CADM2: variants seen among roughly 807,000 people sequenced by gnomAD.
The protein encoded by CADM2 is cell adhesion molecule 2, also known as immunoglobulin superfamily member 4D.
Under a neutral mutation model 49.8 loss-of-function variants are expected in CADM2, and 12 were observed. That is an observed-to-expected ratio of 0.24 (90% CI 0.15 to 0.39). The LOEUF (loss-of-function observed/expected upper bound fraction) is 0.39, where lower values mean the gene tolerates loss of function less well. Ranked by LOEUF, CADM2 falls within the 10% of genes least tolerant of loss-of-function variation. The pLI, the probability that CADM2 is intolerant of heterozygous loss-of-function variation, is 1.00. For synonymous variants in CADM2, 214 were observed against 175.4 expected (o/e 1.22, Z -1.74); for missense variants, 378 against 492.3 (o/e 0.77, Z 2.20).
chr3:85,381,632 T>C (rs1288269952), intron 1 of CADM2, among the ~76,000 whole-genome samples: 1 of 151,326 alleles, frequency 6.6e-6, no homozygotes, highest in Non-Finnish European at 1.5e-5. Context: ...TTGCCAAAAG[T>C]TTTCTTGCAG....
chr3:85,592,568 A>G (rs931776088), intron 1 of CADM2, among the ~76,000 whole-genome samples: 2 of 151,984 alleles, frequency 1.3e-5, no homozygotes, highest in African/African-American at 4.8e-5. Flanking sequence ...TGGGTCAACA[A>G]TACCTTTATA....
intron 1 of CADM2, among the ~76,000 whole-genome samples, chr3:85,150,293 T>C (rs1304010364): frequency 2.0e-5 from 3 of 152,154 alleles, no homozygotes; most frequent in African/African-American, 7.2e-5. Context: ...TAAAGGACAG[T>C]CAGAGGAGGA....
chr3:85,596,349 T>A (rs963416677), intron 1 of CADM2, among the ~76,000 whole-genome samples: 2 of 151,986 alleles, frequency 1.3e-5, no homozygotes, highest in Non-Finnish European at 2.9e-5. Flanking sequence ...AAAAATGTTA[T>A]AGTTTTTAAA....
chr3:85,696,467 T>A (rs2066559595), intron 1 of CADM2, among the ~76,000 whole-genome samples: 1 of 152,082 alleles, frequency 6.6e-6, no homozygotes, highest in South Asian at 2.1e-4. Context: ...AGGGGCTTGG[T>A]TTCATTCTTC....
At chr3:85,847,754 G>C (rs574380896) in intron 3 of CADM2, among the ~76,000 whole-genome samples, 2 of 152,134 alleles carry the variant, frequency 1.3e-5, no homozygotes, top group East Asian at 3.9e-4. Flanking sequence ...CCCTTAAAAG[G>C]CCCATTAATG....
At chr3:85,775,660 T>G (rs1374812757) in intron 2 of CADM2, among the ~76,000 whole-genome samples, 1 of 151,864 alleles carries the variant, frequency 6.6e-6, no homozygotes, top group African/African-American at 2.4e-5. Context: ...TAAAATAGAT[T>G]TGGTGCTATA....
chr3:85,775,908 A>G (rs1263382430), intron 2 of CADM2, among the ~76,000 whole-genome samples: 1 of 151,912 alleles, frequency 6.6e-6, no homozygotes, highest in East Asian at 1.9e-4. Context: ...GATTTTTATT[A>G]AAGGATTTTT....
chr3:85,980,595 T>C (rs1727356229), intron 8 of CADM2, among the ~76,000 whole-genome samples: 1 of 151,398 alleles, frequency 6.6e-6, no homozygotes, highest in African/African-American at 2.4e-5. Flanking sequence ...AGGTCTTTCT[T>C]GTAAAAAATT....
chr3:86,025,400 A>G lies in CADM2; in HGVS notation c.971-40205A>G, dbSNP rs578068413. Among the ~76,000 whole-genome samples, 32 of 151,992 alleles carry G rather than the reference A, an allele frequency of 2.1e-4. 1 individual carries two copies. Among genetic ancestry groups the G allele is most frequent in the African/African-American group, 7.5e-4 (31 of 41,308 alleles). ...TTTTTTGAAAATACTCTTTTGTTAT[A>G]AGGCTATGAACAAAGTAAATATCTT... On this transcript the variant is annotated intron_variant, in intron 8 of 9. Coordinates refer to ENST00000383699, the MANE Select transcript of CADM2 (RefSeq NM_001167675.2).
At chr3:85,449,274 T>C (rs1376991699) in intron 1 of CADM2, among the ~76,000 whole-genome samples, 1 of 151,712 alleles carries the variant, frequency 6.6e-6, no homozygotes, top group Non-Finnish European at 1.5e-5. Context: ...ATAAAATTGG[T>C]CTATGGGGTC....
intron 1 of CADM2, among the ~76,000 whole-genome samples, chr3:85,456,852 T>C (rs2038015027): frequency 6.6e-6 from 1 of 150,442 alleles, no homozygotes; most frequent in Non-Finnish European, 1.5e-5. Flanking sequence ...TTTTTCGAAA[T>C]ACTCCCTTGT....
At chr3:85,138,197 A>G (rs1189970781) in intron 1 of CADM2, among the ~76,000 whole-genome samples, 1 of 152,152 alleles carries the variant, frequency 6.6e-6, no homozygotes, top group Non-Finnish European at 1.5e-5. Flanking sequence ...CCCAGCAGAG[A>G]AATCTGCAAC....
At chr3:85,326,960 A>G (rs2044771105) in intron 1 of CADM2, among the ~76,000 whole-genome samples, 1 of 152,118 alleles carries the variant, frequency 6.6e-6, no homozygotes, top group South Asian at 2.1e-4. Context: ...TTTTTTTTAA[A>G]TAAAATAGAA....
intron 1 of CADM2, among the ~76,000 whole-genome samples, chr3:85,193,516 C>A (rs1325818092): frequency 6.6e-6 from 1 of 151,990 alleles, no homozygotes; most frequent in East Asian, 1.9e-4. Flanking sequence ...CCTGCATATA[C>A]AACAATTTAT....
intron 5 of CADM2, among the ~76,000 whole-genome samples, chr3:85,888,848 G>C (rs1714031059): frequency 6.6e-6 from 1 of 152,030 alleles, no homozygotes; most frequent in South Asian, 2.1e-4. Context: ...CATTTAAAGG[G>C]GTAATCCACC....
intron 1 of CADM2, among the ~76,000 whole-genome samples, chr3:85,080,995 G>A (rs564724520): frequency 3.9e-5 from 6 of 152,048 alleles, no homozygotes; most frequent in African/African-American, 1.4e-4. Context: ...GAAAATTTCT[G>A]AGCTTAGGGA....
At chr3:85,405,113 G>T (rs2035307551) in intron 1 of CADM2, among the ~76,000 whole-genome samples, 2 of 152,194 alleles carry the variant, frequency 1.3e-5, no homozygotes, top group South Asian at 4.1e-4. Context: ...ATACTGTGAA[G>T]AACTTGAGAA....
intron 1 of CADM2, among the ~76,000 whole-genome samples, chr3:85,669,898 T>C (rs1004886148): frequency 6.6e-6 from 1 of 152,082 alleles, no homozygotes; most frequent in African/African-American, 2.4e-5. Flanking sequence ...CCTAGACCCT[T>C]ATGATGAAGG....
intron 1 of CADM2, among the ~76,000 whole-genome samples, chr3:85,321,114 ATATTTTTTTTTTTTTTTTTTTTTTTTTT>A (rs535922766): frequency 0.032 from 1,079 of 34,160 alleles, 98 homozygotes; most frequent in African/African-American, 0.075. Flanking sequence ...ATATATATAT[ATATTTTTTTTTTTTTTTTTTTTTTTTTT>A]TTTTTTTTTT....
Sources: gnomAD v4.1 joint callset for allele counts (sites outside exome capture counted in the v4.1 genomes callset) on GRCh38, gnomAD v4.1.1 for gene constraint, MANE v1.5 for transcripts, NCBI Gene and HGNC (gene_info 2026-07-23, HGNC 2026-07-21) for gene names.